The following DRG1 variants were observed in gnomAD, a reference collection of about 807,000 sequenced individuals.
The protein encoded by DRG1 is developmentally regulated GTP binding protein 1.
A neutral mutation model predicts 38.8 loss-of-function variants in DRG1; 19 were observed. That is an observed-to-expected ratio of 0.49 (90% CI 0.34 to 0.72). The LOEUF is 0.72. DRG1 is among the 30% of genes least tolerant of loss of function. The pLI is 0.01. For synonymous variants in DRG1, 167 were observed against 157.5 expected (o/e 1.06, Z -0.45); for missense variants, 299 against 444.8 (o/e 0.67, Z 2.95).
At chr22:31,411,179 G>A in intron 4 of DRG1, 98 bp downstream of exon 4, 2 of 1,274,736 alleles carry the variant, frequency 1.6e-6, no homozygotes, top group Non-Finnish European at 2.2e-6. Context: ...ATACCACAGT[G>A]AAGGGCATAG....
At chr22:31,404,979 C>T (rs1368959780) in intron 3 of DRG1, among the ~76,000 whole-genome samples, 2 of 151,852 alleles carry the variant, frequency 1.3e-5, no homozygotes, top group South Asian at 2.1e-4. Context: ...ACATGAAATT[C>T]GGATATATAA....
intron 6 of DRG1, among the ~76,000 whole-genome samples, chr22:31,423,780 G>A (rs2145868810): frequency 6.6e-6 from 1 of 151,578 alleles, no homozygotes; most frequent in East Asian, 1.9e-4. Context: ...GTCTGCCTCG[G>A]CCTCCCAAAA....
chr22:31,434,044 C>T lies in DRG1; in HGVS notation c.*73C>T. 1 of 1,446,426 alleles carries T rather than the reference C, an allele frequency of 6.9e-7. No individual in the cohort carries two copies. Among genetic ancestry groups the T allele is most frequent in the Non-Finnish European group, 9.6e-7 (1 of 1,043,952 alleles). The allele number at this position is 1,446,426 out of a possible 1,614,324, so 89.6% of individuals were successfully genotyped here. A position where few individuals can be genotyped will look rare whatever the true frequency, so the allele number is the denominator to read the frequency against. On this transcript the variant is annotated 3_prime_UTR_variant, in exon 9 of 9. Coordinates refer to ENST00000331457, the MANE Select transcript of DRG1 (RefSeq NM_004147.4). ...CATGATCAAGCACCCTACCCCAGTT[C>T]TTTCTGGTTTTGGCAGTCACTGGAT...
chr22:31,426,156 C>A (rs1044677571), intron 6 of DRG1, among the ~76,000 whole-genome samples: 10 of 152,286 alleles, frequency 6.6e-5, no homozygotes, highest in Non-Finnish European at 7.4e-5. Flanking sequence ...CACATAACAT[C>A]ACCTCTTCAT....
rs1478294659 is a variant in DRG1, at chr22:31,426,764, A to C, written c.863A>C (p.Tyr288Ser). 1 of 1,614,144 alleles carries C rather than the reference A, an allele frequency of 6.2e-7. No homozygotes were observed. The highest frequency in any genetic ancestry group is 8.5e-7 in the Non-Finnish European group (1 of 1,180,022). The change falls in exon 7 of 9, where the codon TAT (tyrosine) becomes TCT (serine). Residue 288 changes from tyrosine to serine, a missense_variant. By Grantham distance (144) the Tyr-to-Ser change is moderately radical (BLOSUM62 -2). Transcript: ENST00000331457. The stretch of plus-strand genomic sequence containing the variant: ...GACCTATTGGAAAAGATCTGGGACT[A>C]TCTGAAACTAGTGAGAATGTAAGTC... ...FDDLLEKIWD[Y>S]LKLVRIYTKP...
intron 2 of DRG1, among the ~76,000 whole-genome samples, chr22:31,401,882 C>G (rs1486795241): frequency 1.3e-5 from 2 of 151,946 alleles, no homozygotes; most frequent in African/African-American, 4.8e-5. Context: ...GAAACCCCGT[C>G]TCTGCTAAAA....
rs763438945 is a variant in DRG1, at chr22:31,426,775, G to C, written c.874G>C (p.Val292Leu). 1.1e-4 allele frequency: 178 copies of C among 1,613,892 alleles called. No individual in the cohort carries two copies. The highest frequency in any genetic ancestry group is 1.4e-4 in the Non-Finnish European group (171 of 1,179,950). The change falls in exon 7 of 9, where the codon GTG (valine) becomes CTG (leucine). Residue 292 changes from valine (V) to leucine (L), a missense_variant. Physicochemically the swap from Val to Leu is conservative, Grantham distance 32. Transcript: ENST00000331457. ...AAAGATCTGGGACTATCTGAAACTA[G>C]TGAGAATGTAAGTCTTTGTGGATAG... ...LEKIWDYLKL[V>L]RIYTKPKGQL...
intron 1 of DRG1, among the ~76,000 whole-genome samples, chr22:31,400,261 G>T (rs1271042054): frequency 1.3e-5 from 2 of 151,880 alleles, no homozygotes; most frequent in African/African-American, 2.4e-5. Flanking sequence ...ATTCCGCCTG[G>T]ATAGTGTGTG....
intron 3 of DRG1, among the ~76,000 whole-genome samples, chr22:31,404,295 A>C (rs1215077037): frequency 6.7e-6 from 1 of 149,602 alleles, no homozygotes; most frequent in Non-Finnish European, 1.5e-5. Context: ...GCTAGAATGC[A>C]GTGGTGCAAT....
intron 4 of DRG1, among the ~76,000 whole-genome samples, chr22:31,419,507 A>G (rs1381124493): frequency 6.6e-6 from 1 of 152,084 alleles, no homozygotes; most frequent in Non-Finnish European, 1.5e-5. Context: ...TATATTTTAT[A>G]TGATTCCATT....
chr22:31,420,466 T>C (rs2145866949), intron 5 of DRG1, 41 bp downstream of exon 5: 1 of 1,612,022 alleles, frequency 6.2e-7, no homozygotes, highest in Non-Finnish European at 8.5e-7. Context: ...GCTGCAGGAA[T>C]TGGAATGGGG....
In DRG1 at chr22:31,427,162, T is replaced by C; in HGVS notation, c.984T>C (p.Asn328=). ...VEDFCMKIHK[N]LIKEFKYALV... is the part of the protein sequence containing the mutation. ...ATTTCTGCATGAAGATTCACAAAAA[T>C]CTTATCAAAGAATTTAAATAGTAAG... is the stretch of plus-strand genomic sequence containing the variant. Residue 328 remains asparagine (N), a synonymous_variant, in exon 8 of 9, where the codon AAT becomes AAC. Transcript: ENST00000331457. 6.2e-7 allele frequency: 1 copy of C among 1,614,092 alleles called. No homozygotes were observed. The highest frequency in any genetic ancestry group is 1.1e-5 in the South Asian group (1 of 91,080).
chr22:31,424,830 T>C (rs2050101037), intron 6 of DRG1, among the ~76,000 whole-genome samples: 1 of 103,526 alleles, frequency 9.7e-6, no homozygotes, highest in African/African-American at 3.5e-5. Flanking sequence ...TTTTTTGGAG[T>C]CTTGCTTTGT....
chr22:31,399,619 C>T lies in DRG1; in HGVS notation c.-65C>T. 2 of 1,607,568 alleles carry T rather than the reference C, an allele frequency of 1.2e-6. No homozygotes were observed. The highest frequency in any genetic ancestry group is 1.7e-6 in the Non-Finnish European group (2 of 1,174,008). On this transcript the variant is annotated 5_prime_UTR_variant, in exon 1 of 9. Transcript: ENST00000331457. ...TGCGTGCTGCAGTAGCGCCTGGTGG[C>T]GGTGGCAGTTTGCCCGCGGGTGTGT...
At chr22:31,431,024 C>T (rs1490811716) in intron 8 of DRG1, among the ~76,000 whole-genome samples, 1 of 111,664 alleles carries the variant, frequency 9.0e-6, no homozygotes, top group Non-Finnish European at 1.9e-5. Context: ...GGCCTTCCCC[C>T]CCCCCCCCCG....
chr22:31,427,131 TGGA>T lies in DRG1; in HGVS notation c.957_959del (p.Glu319del). ...GTGCTTCCTTACTCCAGGACCACAGTGGAGGATTTCTGCATGAAGATTCACAAA... is the reference window on the plus strand; with the variant it reads ...GTGCTTCCTTACTCCAGGACCACAGTGGATTTCTGCATGAAGATTCACAAA... On this transcript the variant is annotated inframe_deletion, in exon 8 of 9. Transcript: ENST00000331457. 1 of 1,614,168 alleles carries T rather than the reference TGGA, an allele frequency of 6.2e-7. No homozygotes were observed. Among genetic ancestry groups the T allele is most frequent in the South Asian group, 1.1e-5 (1 of 91,084 alleles).
intron 2 of DRG1, among the ~76,000 whole-genome samples, chr22:31,400,965 A>T (rs544306573): frequency 3.7e-4 from 56 of 151,872 alleles, no homozygotes; most frequent in African/African-American, 1.1e-3. Flanking sequence ...AAAGTTTTTT[A>T]AAAACAGAAA....
chr22:31,432,662 A>G (rs1313290382), intron 8 of DRG1, among the ~76,000 whole-genome samples: 1 of 151,796 alleles, frequency 6.6e-6, no homozygotes, highest in Non-Finnish European at 1.5e-5. Context: ...TCTTGACCTC[A>G]TGATCCGCCC....
chr22:31,431,045 T>TG (rs1379456496), intron 8 of DRG1, among the ~76,000 whole-genome samples: 4 of 134,188 alleles, frequency 3.0e-5, no homozygotes, highest in African/African-American at 8.2e-5. Flanking sequence ...CTTTTTTTTT[T>TG]TTTTTTTTGA....
Sources: gnomAD v4.1 joint callset for allele counts (sites outside exome capture counted in the v4.1 genomes callset) on GRCh38, gnomAD v4.1.1 for gene constraint, MANE v1.5 for transcripts, NCBI Gene and HGNC (gene_info 2026-07-23, HGNC 2026-07-21) for gene names.